The following RBM23 variants were observed in gnomAD, a reference collection of about 807,000 sequenced individuals.
RBM23 encodes the protein probable RNA-binding protein 23.
A neutral mutation model predicts 56.2 loss-of-function variants in RBM23; 53 were observed. That is an observed-to-expected ratio of 0.94 (90% CI 0.76 to 1.19). The LOEUF (loss-of-function observed/expected upper bound fraction) is 1.19, where lower values mean the gene tolerates loss of function less well. RBM23 is among the 50% of genes most tolerant of loss of function. The probability of loss-of-function intolerance (pLI) is 0.00; values close to 1 mark genes in which losing one functional copy is unlikely to be tolerated. For missense variants in RBM23, 642 were observed against 590.3 expected, an observed-to-expected ratio of 1.09 and a Z score of -0.91; for synonymous variants, 197 against 198.5, an observed-to-expected ratio of 0.99 and a Z score of 0.06.
At chr14:22,903,124 G>C in intron 10 of RBM23, 1 of 985,372 alleles carries the variant, frequency 1.0e-6, no homozygotes, top group Non-Finnish European at 1.2e-6. Context: ...CCTAATTCCA[G>C]GCTTAAGAGG....
At chr14:22,916,405 C>T (rs759848488) in intron 1 of RBM23, among the ~76,000 whole-genome samples, 2 of 151,076 alleles carry the variant, frequency 1.3e-5, no homozygotes, top group Non-Finnish European at 2.9e-5. Context: ...CACAGGTGTG[C>T]ACTATGATGC....
Position 22,898,664 on chromosome 14 carries a change from G to A in RBM23, c.*3066C>T, listed in dbSNP as rs2040287566. 1 of 151,928 alleles carries A rather than the reference G, an allele frequency of 6.6e-6. No individual in the cohort carries two copies. 9.4% of individuals were successfully genotyped at this position (151,928 alleles called of 1,614,324 possible). On this transcript the variant is annotated 3_prime_UTR_variant, in exon 14 of 14. Transcript: ENST00000359890. ...TCTCTCTCCCAGCAAGAGGCTATGTGAGGAACTAAGAACAAGAAAGAACTG... is the reference window on the plus strand; with the variant it reads ...TCTCTCTCCCAGCAAGAGGCTATGTAAGGAACTAAGAACAAGAAAGAACTG...
chr14:22,894,134 T>A lies in RBM23; in HGVS notation c.*7596A>T, dbSNP rs1298787075. ...TTATACAGAGAAGCGGTGGAAGTAG[T>A]AATGCCTTTTGCAACCTATGTCCTG... On this transcript the variant is annotated 3_prime_UTR_variant, in exon 14 of 14. Transcript: ENST00000359890. 6.6e-6 allele frequency: 1 copy of A among 152,248 alleles called. No individual in the cohort carries two copies. The highest frequency in any genetic ancestry group is 1.5e-5 in the Non-Finnish European group (1 of 68,040). The allele number at this position is 152,248 out of a possible 1,614,324, so 9.4% of individuals were successfully genotyped here. A position where few individuals can be genotyped will look rare whatever the true frequency, so the allele number is the denominator to read the frequency against.
At chr14:22,906,451 A>T (rs997491825) in intron 4 of RBM23, 83 bp from the exon 5 acceptor site, 4 of 1,495,080 alleles carry the variant, frequency 2.7e-6, no homozygotes, top group Non-Finnish European at 3.7e-6. Flanking sequence ...GTCCCATAAG[A>T]TTATAACGGT....
At chr14:22,903,173 C>G in intron 10 of RBM23, 1 of 985,544 alleles carries the variant, frequency 1.0e-6, no homozygotes, top group African/African-American at 1.7e-5. Flanking sequence ...AGAACCCACA[C>G]CCCCACATAC....
intron 10 of RBM23, chr14:22,903,253 G>A: frequency 6.1e-6 from 6 of 985,438 alleles, no homozygotes; most frequent in Non-Finnish European, 7.2e-6. Context: ...TTTATCAGCA[G>A]CACCCAGCAA....
At chr14:22,904,396 T>A in intron 9 of RBM23, 70 bp from the exon 10 acceptor site, 2 of 1,228,208 alleles carry the variant, frequency 1.6e-6, no homozygotes, top group Non-Finnish European at 2.3e-6. Context: ...CTACCCAGAC[T>A]GCTTTTTTTT....
chr14:22,909,203 A>G (rs1163433069), intron 3 of RBM23, among the ~76,000 whole-genome samples: 3 of 152,100 alleles, frequency 2.0e-5, no homozygotes, highest in African/African-American at 7.2e-5. Context: ...TCGGCCTCCC[A>G]AAGTGCTGGG....
chr14:22,905,109 A>G lies in RBM23; in HGVS notation c.711T>C (p.Ile237=). 1 of 1,614,072 alleles carries G rather than the reference A, an allele frequency of 6.2e-7. No homozygotes were observed. The highest frequency in any genetic ancestry group is 8.5e-7 in the Non-Finnish European group (1 of 1,179,938). The change falls in exon 8 of 14, where the codon ATT becomes ATC. Residue 237 remains isoleucine, a synonymous_variant. Coordinates refer to ENST00000359890, the MANE Select transcript of RBM23 (RefSeq NM_001077351.2). ...TGQRLLGVPI[I]VQASQAEKNR... ...GCCTGCTCACCTGTGAAGCCTGTAC[A>G]ATGATAGGCACTCCCAGCAACCGCT...
chr14:22,914,170 CAA>C (rs2043087295), intron 1 of RBM23, among the ~76,000 whole-genome samples: 2 of 151,756 alleles, frequency 1.3e-5, no homozygotes, highest in Non-Finnish European at 1.5e-5. Context: ...ACTAAAAACA[CAA>C]AAATTAGCTG....
chr14:22,916,074 C>T (rs1255594526), intron 1 of RBM23, among the ~76,000 whole-genome samples: 1 of 151,982 alleles, frequency 6.6e-6, no homozygotes, highest in Non-Finnish European at 1.5e-5. Flanking sequence ...AAATTAGCCA[C>T]GCATGGTGGT....
chr14:22,911,389 G>T lies in RBM23; in HGVS notation c.5C>A (p.Ala2Glu). The change falls in exon 2 of 14, where the codon GCA becomes GAA. Residue 2 changes from alanine to glutamate, a missense_variant. Physicochemically the swap from Ala to Glu is moderately radical, Grantham distance 107. Transcript: ENST00000359890. ...AATCACTATGTCAAAGTCATCAGATGCCATCCTGTCAGATCTGGGGAGAGG... is the reference window on the plus strand; with the variant it reads ...AATCACTATGTCAAAGTCATCAGATTCCATCCTGTCAGATCTGGGGAGAGG... M[A>E]SDDFDIVIEA... The T allele has an allele frequency of 6.2e-7, 1 of 1,613,324 alleles. No homozygotes were observed. Among genetic ancestry groups the T allele is most frequent in the Non-Finnish European group, 8.5e-7 (1 of 1,179,432 alleles).
intron 1 of RBM23, among the ~76,000 whole-genome samples, chr14:22,912,659 T>C (rs530497343): frequency 6.6e-6 from 1 of 152,088 alleles, no homozygotes; most frequent in East Asian, 1.9e-4. Context: ...CCACAAAAAG[T>C]ACACAATGAA....
intron 1 of RBM23, among the ~76,000 whole-genome samples, chr14:22,918,614 T>C (rs538702116): frequency 6.6e-6 from 1 of 152,122 alleles, no homozygotes; most frequent in Admixed American, 6.5e-5. Flanking sequence ...CTTCTCTCTC[T>C]CTGAATGGTG....
At position 22,901,410 on chromosome 14, in the gene RBM23, A is replaced by C; in HGVS notation, c.*320T>G. On this transcript the variant is annotated 3_prime_UTR_variant, in exon 14 of 14. Transcript: ENST00000359890. Reference sequence around the variant, plus strand: ...TGCCCTATGGCCTTCCCAATGGGGGAGAAATTGAGGAATCACTAAGGTGTT... The same window carrying C: ...TGCCCTATGGCCTTCCCAATGGGGGCGAAATTGAGGAATCACTAAGGTGTT... The C allele has an allele frequency of 2.1e-6, 1 of 482,546 alleles. No homozygotes were observed. The highest frequency in any genetic ancestry group is 3.7e-6 in the Non-Finnish European group (1 of 269,708). The allele number at this position is 482,546 out of a possible 1,614,324, so 29.9% of individuals were successfully genotyped here. A position where few individuals can be genotyped will look rare whatever the true frequency, so the allele number is the denominator to read the frequency against.
At chr14:22,905,531 A>T in intron 6 of RBM23, 75 bp downstream of exon 6, 1 of 1,586,328 alleles carries the variant, frequency 6.3e-7, no homozygotes, top group Non-Finnish European at 8.7e-7. Context: ...AGTATTACAC[A>T]TTCCTGTAAT....
intron 1 of RBM23, among the ~76,000 whole-genome samples, chr14:22,915,868 G>T (rs1306144351): frequency 6.6e-6 from 1 of 152,160 alleles, no homozygotes; most frequent in Non-Finnish European, 1.5e-5. Context: ...GGTAATATAT[G>T]ATTCATACCC....
chr14:22,904,000 G>A, intron 10 of RBM23: 2 of 1,408,994 alleles, frequency 1.4e-6, no homozygotes, highest in South Asian at 1.4e-5. Context: ...ATTACCCAAA[G>A]AGCCAAGTTG....
intron 10 of RBM23, chr14:22,902,997 G>GTC: frequency 4.8e-6 from 4 of 833,794 alleles, no homozygotes; most frequent in Non-Finnish European, 5.8e-6. Flanking sequence ...GGTCAGGCTG[G>GTC]TCTCGAACTC....
Sources: allele counts gnomAD v4.1 joint callset (sites outside exome capture counted in the v4.1 genomes callset), GRCh38; gene constraint gnomAD v4.1.1; transcripts MANE v1.5; gene names NCBI Gene and HGNC (gene_info 2026-07-23, HGNC 2026-07-21).